USP34: variants seen among roughly 807,000 people sequenced by gnomAD.
USP34 encodes ubiquitin carboxyl-terminal hydrolase 34.
Under a neutral mutation model 460.3 loss-of-function variants are expected in USP34, and 70 were observed. The ratio of observed to expected loss-of-function variants is 0.15; its 90% CI spans 0.13 to 0.19. The LOEUF (loss-of-function observed/expected upper bound fraction) is 0.19, where lower values mean the gene tolerates loss of function less well. USP34 is among the 10% of genes least tolerant of loss of function. The pLI is 1.00. For missense variants in USP34, 3,985 were observed against 4,236.2 expected, an observed-to-expected ratio of 0.94 and a Z score of 1.65; for synonymous variants, 1,647 against 1,405.3, an observed-to-expected ratio of 1.17 and a Z score of -3.85.
chr2:61,337,220 C>A lies in USP34; in HGVS notation c.2744+2131G>T, dbSNP rs139791165. On this transcript the variant is annotated intron_variant, in intron 18 of 79. Transcript: ENST00000398571. ...CCAGTCTACTAAATACAAGAACTCA[C>A]CTGTTTTTACATGATATAAATAAAA... Among the ~76,000 whole-genome samples the A allele has an allele frequency of 5.9e-3, 905 of 152,244 alleles. 5 individuals are homozygous for A. The highest frequency in any genetic ancestry group is 0.021 in the African/African-American group (880 of 41,554).
chr2:61,409,362 G>A (rs963708429), intron 2 of USP34, among the ~76,000 whole-genome samples: 2 of 152,082 alleles, frequency 1.3e-5, no homozygotes, highest in Non-Finnish European at 2.9e-5. Context: ...CCCAGAAAAC[G>A]AACTTGAAGT....
intron 68 of USP34, among the ~76,000 whole-genome samples, chr2:61,212,270 C>T (rs1162493153): frequency 1.3e-5 from 2 of 152,132 alleles, no homozygotes; most frequent in Non-Finnish European, 2.9e-5. Context: ...TCTTAAAATA[C>T]AAGTTTAGAA....
At chr2:61,440,507 G>A (rs1232960524) in intron 1 of USP34, among the ~76,000 whole-genome samples, 4 of 151,102 alleles carry the variant, frequency 2.6e-5, no homozygotes, top group African/African-American at 9.7e-5. Flanking sequence ...TGAAAAAGTT[G>A]CCCTTTTTAA....
At chr2:61,195,442 G>A (rs1250087002) in intron 75 of USP34, among the ~76,000 whole-genome samples, 1 of 151,354 alleles carries the variant, frequency 6.6e-6, no homozygotes, top group Non-Finnish European at 1.5e-5. Context: ...GGGAGGCCAA[G>A]GCAGGCAGAT....
chr2:61,193,604 A>G (rs1241808433), intron 75 of USP34, among the ~76,000 whole-genome samples: 2 of 152,134 alleles, frequency 1.3e-5, no homozygotes, highest in Non-Finnish European at 2.9e-5. Flanking sequence ...CAGATGTAAA[A>G]TATGTCACTA....
intron 13 of USP34, 21 bp downstream of exon 13, chr2:61,349,229 A>C (rs1383359534): frequency 1.2e-6 from 2 of 1,606,764 alleles, no homozygotes; most frequent in African/African-American, 2.7e-5. Flanking sequence ...TGTTGCCATG[A>C]ATTTCTAAGG....
intron 62 of USP34, 116 bp downstream of exon 62, chr2:61,226,951 A>C: frequency 8.6e-7 from 1 of 1,167,982 alleles, no homozygotes; most frequent in East Asian, 2.7e-5. Context: ...AGTGAATAAC[A>C]ATTACATAAT....
chr2:61,419,973 TGA>T (rs1237444351), intron 2 of USP34, among the ~76,000 whole-genome samples: 1 of 152,134 alleles, frequency 6.6e-6, no homozygotes, highest in Non-Finnish European at 1.5e-5. Context: ...CCAACTCTAC[TGA>T]GAGAGGAAAA....
intron 5 of USP34, among the ~76,000 whole-genome samples, chr2:61,394,280 A>T (rs1693447119): frequency 6.6e-6 from 1 of 152,234 alleles, no homozygotes; most frequent in Non-Finnish European, 1.5e-5. Context: ...ATAGTAACCT[A>T]GGCAAGCATC....
At chr2:61,281,353 T>G in intron 37 of USP34, 111 bp from the exon 38 acceptor site, 1 of 1,349,184 alleles carries the variant, frequency 7.4e-7, no homozygotes, top group Non-Finnish European at 9.9e-7. Context: ...CGGGCAAGCC[T>G]GTAATCCCAG....
At chr2:61,297,041 T>C (rs2103629018) in intron 29 of USP34, 116 bp from the exon 30 acceptor site, 6 of 1,336,666 alleles carry the variant, frequency 4.5e-6, no homozygotes, top group Non-Finnish European at 6.1e-6. Context: ...GCCTCACTTT[T>C]TGAAAAGTGA....
At chr2:61,458,145 A>G (rs1176515059) in intron 1 of USP34, among the ~76,000 whole-genome samples, 1 of 152,218 alleles carries the variant, frequency 6.6e-6, no homozygotes, top group African/African-American at 2.4e-5. Flanking sequence ...GTAAACATAG[A>G]AATACATAAT....
chr2:61,371,444 TAAAAA>T (rs34779019), intron 8 of USP34, among the ~76,000 whole-genome samples: 4 of 142,616 alleles, frequency 2.8e-5, no homozygotes, highest in Admixed American at 2.8e-4. Context: ...ATTAAAAAGT[TAAAAA>T]AAAAAAAAGG....
chr2:61,437,122 C>T (rs1392550427), intron 1 of USP34, among the ~76,000 whole-genome samples: 1 of 152,082 alleles, frequency 6.6e-6, no homozygotes, highest in African/African-American at 2.4e-5. Context: ...ACCAATGATG[C>T]ATCTCAAGGA....
intron 12 of USP34, 103 bp from the exon 13 acceptor site, chr2:61,349,388 G>A (rs1454496592): frequency 2.6e-6 from 3 of 1,173,420 alleles, no homozygotes; most frequent in Non-Finnish European, 3.6e-6. Context: ...AGATGTAAGT[G>A]GAGAAACCTG....
At position 61,387,629 on chromosome 2, in the gene USP34, T is replaced by C. The variant is rs779293351; in HGVS notation, c.754-4293A>G. Among the ~76,000 whole-genome samples the C allele has an allele frequency of 4.8e-5, 7 of 147,248 alleles. No individual in the cohort carries two copies. In the East Asian group the frequency reaches 7.8e-4, roughly 16 times the overall value. On this transcript the variant is annotated intron_variant, in intron 5 of 79. Coordinates refer to ENST00000398571, the MANE Select transcript of USP34 (RefSeq NM_014709.4). ...CATATATAAAATATATATTTTTACATATACACACATATATAAAAATATATA... is the reference window on the plus strand; with the variant it reads ...CATATATAAAATATATATTTTTACACATACACACATATATAAAAATATATA...
chr2:61,222,729 C>A, intron 64 of USP34, 66 bp from the exon 65 acceptor site: 2 of 1,464,338 alleles, frequency 1.4e-6, no homozygotes, highest in Non-Finnish European at 1.9e-6. Context: ...CAGGGTTTCG[C>A]TATGTCACCC....
At chr2:61,244,322 A>G (rs1004836831) in intron 51 of USP34, among the ~76,000 whole-genome samples, 16 of 152,298 alleles carry the variant, frequency 1.1e-4, no homozygotes, top group African/African-American at 3.9e-4. Flanking sequence ...TGTCTTTTCA[A>G]TATCTATTGT....
intron 41 of USP34, among the ~76,000 whole-genome samples, chr2:61,270,291 A>C (rs1028569996): frequency 2.0e-5 from 3 of 152,196 alleles, no homozygotes. Context: ...TGAATCAAAA[A>C]GTAGGCCTTC....
Sources: gnomAD v4.1 joint callset for allele counts (sites outside exome capture counted in the v4.1 genomes callset) on GRCh38, gnomAD v4.1.1 for gene constraint, MANE v1.5 for transcripts, NCBI Gene and HGNC (gene_info 2026-07-23, HGNC 2026-07-21) for gene names.